Variants in GPC5 observed in about 807,000 individuals in gnomAD.
The protein encoded by GPC5 is glypican-5.
Under a neutral mutation model 53.9 loss-of-function variants are expected in GPC5, and 47 were observed. The ratio of observed to expected loss-of-function variants is 0.87; its 90% CI spans 0.69 to 1.11. The LOEUF (loss-of-function observed/expected upper bound fraction) is 1.11. GPC5 is among the 50% of genes most tolerant of loss of function. The pLI is 0.00. For missense variants in GPC5, 748 were observed against 713.1 expected, an observed-to-expected ratio of 1.05 and a Z score of -0.56; for synonymous variants, 286 against 263.3, an observed-to-expected ratio of 1.09 and a Z score of -0.84.
chr13:92,403,865 C>T (rs967811733), intron 7 of GPC5, among the ~76,000 whole-genome samples: 2 of 152,164 alleles, frequency 1.3e-5, no homozygotes, highest in African/African-American at 4.8e-5. Context: ...ATTCATAGAG[C>T]TAATAATTTC....
intron 7 of GPC5, among the ~76,000 whole-genome samples, chr13:92,663,833 CTA>C (rs1160975918): frequency 2.5e-4 from 31 of 124,132 alleles, no homozygotes; most frequent in South Asian, 1.3e-3. Context: ...TATACACACA[CTA>C]TATATATATA....
intron 7 of GPC5, among the ~76,000 whole-genome samples, chr13:92,335,723 A>C (rs2043317724): frequency 6.6e-6 from 1 of 152,178 alleles, no homozygotes; most frequent in Non-Finnish European, 1.5e-5. Context: ...GGCAGGGTTA[A>C]AATGCTGCCA....
At chr13:92,475,813 A>G (rs1181618026) in intron 7 of GPC5, among the ~76,000 whole-genome samples, 2 of 152,112 alleles carry the variant, frequency 1.3e-5, no homozygotes, top group Non-Finnish European at 2.9e-5. Flanking sequence ...TATTTAATAA[A>G]TGGTGCTGGG....
At chr13:91,572,104 TAC>T (rs375349204) in intron 2 of GPC5, among the ~76,000 whole-genome samples, 5 of 120,532 alleles carry the variant, frequency 4.1e-5, no homozygotes, top group Non-Finnish European at 8.9e-5. Context: ...TGTGTGTATA[TAC>T]ACACATGTAT....
intron 6 of GPC5, among the ~76,000 whole-genome samples, chr13:92,000,835 C>T (rs2040547469): frequency 6.6e-6 from 1 of 152,096 alleles, no homozygotes; most frequent in Non-Finnish European, 1.5e-5. Flanking sequence ...ATATAGAACA[C>T]TATATGTAAG....
chr13:92,182,151 A>G (rs2042151568), intron 7 of GPC5, among the ~76,000 whole-genome samples: 1 of 152,148 alleles, frequency 6.6e-6, no homozygotes. Context: ...TTCAGAGCTA[A>G]TGGTTTCGGA....
intron 7 of GPC5, among the ~76,000 whole-genome samples, chr13:92,711,442 C>T (rs567438120): frequency 2.0e-5 from 3 of 152,092 alleles, no homozygotes; most frequent in African/African-American, 4.8e-5. Flanking sequence ...AATATACCCA[C>T]TGTAAACTTT....
Position 91,583,606 on chromosome 13 carries a change from G to GTT in GPC5, c.326-109574_326-109573dup, listed in dbSNP as rs58859193. On this transcript the variant is annotated intron_variant, in intron 2 of 7. Coordinates refer to ENST00000377067, the MANE Select transcript of GPC5 (RefSeq NM_004466.6). ...TAATCGCAATCAAAATTTTGTCAAG[G>GTT]TTTTTTTTGTTAGAAACTGAAATGC... 7.2e-5 allele frequency among the ~76,000 whole-genome samples: 11 copies of GTT among 151,906 alleles called. No homozygotes were observed. The East Asian group carries it at 1.2e-3, about 16-fold the overall frequency.
At chr13:92,747,312 C>T (rs1196964261) in intron 7 of GPC5, among the ~76,000 whole-genome samples, 1 of 151,956 alleles carries the variant, frequency 6.6e-6, no homozygotes, top group Non-Finnish European at 1.5e-5. Flanking sequence ...TGCTTAAGAC[C>T]AGTGGTATTC....
At chr13:91,886,093 T>C (rs560702850) in intron 5 of GPC5, among the ~76,000 whole-genome samples, 1 of 152,194 alleles carries the variant, frequency 6.6e-6, no homozygotes, top group East Asian at 1.9e-4. Context: ...TGGGACTGGG[T>C]AATTTATAAA....
At chr13:92,673,207 A>G (rs140903892) in intron 7 of GPC5, among the ~76,000 whole-genome samples, 1 of 152,268 alleles carries the variant, frequency 6.6e-6, no homozygotes, top group African/African-American at 2.4e-5. Flanking sequence ...CAACAATGTT[A>G]TATTTAACAA....
intron 5 of GPC5, among the ~76,000 whole-genome samples, chr13:91,794,945 G>A (rs1374225048): frequency 6.6e-6 from 1 of 152,130 alleles, no homozygotes. Flanking sequence ...ATTACAGAAT[G>A]CATGTAAGCA....
Position 91,973,043 on chromosome 13 carries a change from A to G in GPC5, c.1401+64986A>G, listed in dbSNP as rs1355003867. 2.0e-5 allele frequency among the ~76,000 whole-genome samples: 3 copies of G among 152,234 alleles called. No individual in the cohort carries two copies. In the East Asian group the frequency reaches 5.8e-4, roughly 29 times the overall value. ...TGCTAGATTGGGGGAGTTCTCCTGG[A>G]TAATATCCTGCAGAGTGTTTTCCAA... On this transcript the variant is annotated intron_variant, in intron 6 of 7. Transcript: ENST00000377067.
intron 5 of GPC5, among the ~76,000 whole-genome samples, chr13:91,825,459 A>G (rs772014805): frequency 1.5e-4 from 23 of 152,138 alleles, no homozygotes; most frequent in Non-Finnish European, 2.9e-4. Flanking sequence ...GATTGAAAAT[A>G]TTTGAATCAT....
intron 7 of GPC5, among the ~76,000 whole-genome samples, chr13:92,797,488 T>C (rs1876726474): frequency 6.6e-6 from 1 of 151,924 alleles, no homozygotes; most frequent in Admixed American, 6.6e-5. Context: ...CTGTATTTCT[T>C]ATACAAATAG....
At chr13:91,774,220 A>G (rs903993558) in intron 5 of GPC5, among the ~76,000 whole-genome samples, 3 of 152,224 alleles carry the variant, frequency 2.0e-5, no homozygotes, top group Non-Finnish European at 2.9e-5. Flanking sequence ...GTGAATATCA[A>G]GACTCTGTCT....
In GPC5 at chr13:92,795,880, G is replaced by A. The variant is rs374603591; in HGVS notation, c.1562-70402G>A. Among the ~76,000 whole-genome samples the A allele has an allele frequency of 1.1e-4, 16 of 152,244 alleles. No individual in the cohort carries two copies. The East Asian group carries it at 2.7e-3, about 26-fold the overall frequency. On this transcript the variant is annotated intron_variant, in intron 7 of 7. Coordinates refer to ENST00000377067, the MANE Select transcript of GPC5 (RefSeq NM_004466.6). Reference sequence around the variant, plus strand: ...CAAAACAACAGATGCTGGAGAGGATGTGGAGAAACAGGAACACTTTTACAC... The same window carrying A: ...CAAAACAACAGATGCTGGAGAGGATATGGAGAAACAGGAACACTTTTACAC...
intron 7 of GPC5, chr13:92,484,469 G>A (rs1302514588): frequency 1.3e-5 from 2 of 151,948 alleles, no homozygotes; most frequent in African/African-American, 4.8e-5. Flanking sequence ...GCTATATTTG[G>A]TTATGCATAC....
chr13:91,932,104 G>C (rs1235611354), intron 6 of GPC5, among the ~76,000 whole-genome samples: 2 of 151,982 alleles, frequency 1.3e-5, no homozygotes, highest in Non-Finnish European at 2.9e-5. Context: ...AATTCTTTAT[G>C]GAATATTAGT....
Sources: allele counts gnomAD v4.1 joint callset (sites outside exome capture counted in the v4.1 genomes callset), GRCh38; gene constraint gnomAD v4.1.1; transcripts MANE v1.5; gene names NCBI Gene and HGNC (gene_info 2026-07-23, HGNC 2026-07-21).